Variants in NECTIN2 observed in about 807,000 individuals in gnomAD.
The protein encoded by NECTIN2 is nectin cell adhesion molecule 2.
NECTIN2 carries 23 observed loss-of-function variants against 56.9 expected under a neutral mutation model. The observed-to-expected ratio is 0.40, with a 90% CI of 0.29 to 0.57. NECTIN2 has a LOEUF of 0.57. Among genes scored for constraint, NECTIN2 ranks in the 20% least tolerant of loss-of-function variants. NECTIN2 has a pLI of 0.38. For synonymous variants in NECTIN2, 302 were observed against 313.8 expected (o/e 0.96, Z 0.40); for missense variants, 587 against 718.3 (o/e 0.82, Z 2.09).
Position 44,888,404 on chromosome 19 carries a change from A to G in NECTIN2, c.*25A>G. 4 of 1,599,956 alleles carry G rather than the reference A, an allele frequency of 2.5e-6. No individual in the cohort carries two copies. The highest frequency in any genetic ancestry group is 3.4e-6 in the Non-Finnish European group (4 of 1,169,498). On this transcript the variant is annotated 3_prime_UTR_variant, in exon 9 of 9. Coordinates refer to ENST00000252483, the MANE Select transcript of NECTIN2 (RefSeq NM_001042724.2). The stretch of plus-strand genomic sequence containing the variant: ...AGCTGCCATGCGCCTGGCGTCTCAC[A>G]TCTCACCTGTTGATCCCTTAGCTTT...
At chr19:44,859,315 G>A (rs999721788) in intron 1 of NECTIN2, among the ~76,000 whole-genome samples, 2 of 152,142 alleles carry the variant, frequency 1.3e-5, no homozygotes, top group African/African-American at 4.8e-5. Flanking sequence ...GTGTTCCACA[G>A]CTATTCTTTA....
chr19:44,847,615 C>T (rs1968851065), intron 1 of NECTIN2, among the ~76,000 whole-genome samples: 1 of 152,140 alleles, frequency 6.6e-6, no homozygotes, highest in South Asian at 2.1e-4. Context: ...CGGGAGGCCC[C>T]GAGTCCCAGA....
chr19:44,883,336 G>A (rs1379685017), intron 6 of NECTIN2, among the ~76,000 whole-genome samples: 1 of 152,014 alleles, frequency 6.6e-6, no homozygotes, highest in Non-Finnish European at 1.5e-5. Flanking sequence ...GTGCCAAGGC[G>A]CCATCTCGGC....
chr19:44,884,146 T>G (rs1969335903), intron 6 of NECTIN2, among the ~76,000 whole-genome samples: 1 of 151,892 alleles, frequency 6.6e-6, no homozygotes, highest in Non-Finnish European at 1.5e-5. Context: ...CAGAGCAGTC[T>G]GAGGTATGCG....
intron 6 of NECTIN2, among the ~76,000 whole-genome samples, chr19:44,883,421 C>T (rs989081434): frequency 3.9e-5 from 6 of 152,222 alleles, no homozygotes; most frequent in East Asian, 3.9e-4. Flanking sequence ...ATTACAGATG[C>T]GCGCCACCAC....
chr19:44,867,822 G>A (rs1437293855), intron 2 of NECTIN2, among the ~76,000 whole-genome samples: 1 of 152,156 alleles, frequency 6.6e-6, no homozygotes, highest in East Asian at 1.9e-4. Flanking sequence ...GCCATGGGAG[G>A]TGTCAAGCCA....
chr19:44,857,327 G>C (rs564524484), intron 1 of NECTIN2, among the ~76,000 whole-genome samples: 1 of 146,570 alleles, frequency 6.8e-6, no homozygotes, highest in East Asian at 2.0e-4. Flanking sequence ...TCAGTTTCTC[G>C]GGCTCCTGGC....
chr19:44,888,387 T>G lies in NECTIN2; in HGVS notation c.*8T>G. 6.2e-7 allele frequency: 1 copy of G among 1,605,942 alleles called. No individual in the cohort carries two copies. Among genetic ancestry groups the G allele is most frequent in the Non-Finnish European group, 8.5e-7 (1 of 1,173,352 alleles). ...CGGGCCATGTATGTGTGAGCTGCCA[T>G]GCGCCTGGCGTCTCACATCTCACCT... On this transcript the variant is annotated 3_prime_UTR_variant, in exon 9 of 9. Coordinates refer to ENST00000252483, the MANE Select transcript of NECTIN2 (RefSeq NM_001042724.2).
intron 2 of NECTIN2, among the ~76,000 whole-genome samples, chr19:44,867,857 G>C (rs1186528968): frequency 6.6e-6 from 1 of 152,110 alleles, no homozygotes; most frequent in East Asian, 1.9e-4. Flanking sequence ...ACAAACGTTT[G>C]AGGTTGCAAA....
chr19:44,869,621 A>G (rs12971559), intron 2 of NECTIN2, among the ~76,000 whole-genome samples: 2 of 150,960 alleles, frequency 1.3e-5, no homozygotes, highest in South Asian at 2.1e-4. Flanking sequence ...AAAAGAAAAT[A>G]TGATTAAGTG....
intron 1 of NECTIN2, among the ~76,000 whole-genome samples, chr19:44,849,880 G>T (rs1384174377): frequency 6.6e-6 from 1 of 152,196 alleles, no homozygotes; most frequent in Non-Finnish European, 1.5e-5. Context: ...AATTGCTCGG[G>T]TGATGGATGG....
chr19:44,869,467 C>T (rs1177826084), intron 2 of NECTIN2, among the ~76,000 whole-genome samples: 4 of 151,642 alleles, frequency 2.6e-5, no homozygotes, highest in Non-Finnish European at 5.9e-5. Context: ...GTGGCGGGTG[C>T]CTGTAGTCCC....
chr19:44,870,392 G>A (rs1419823602), intron 2 of NECTIN2, among the ~76,000 whole-genome samples: 1 of 152,110 alleles, frequency 6.6e-6, no homozygotes, highest in Non-Finnish European at 1.5e-5. Context: ...GGGAAGAAGA[G>A]GAGAGTCAGA....
intron 1 of NECTIN2, 123 bp downstream of exon 1, chr19:44,846,736 C>T (rs1402443417): frequency 8.4e-7 from 1 of 1,184,768 alleles, no homozygotes; most frequent in Admixed American, 2.7e-5. Context: ...TCGCGTGCCC[C>T]CTTCCTGGCT....
At position 44,888,080 on chromosome 19, in the gene NECTIN2, C is replaced by G. The variant is rs758211051; in HGVS notation, c.1348-30C>G. On this transcript the variant is annotated intron_variant, in intron 8 of 8. Transcript: ENST00000252483. ...ATCTGTGTCGTGCGTAGGAAGTGATCTTGAGTTCCTGTCCTCTCTCTACCT... is the reference window on the plus strand; with the variant it reads ...ATCTGTGTCGTGCGTAGGAAGTGATGTTGAGTTCCTGTCCTCTCTCTACCT... The G allele has an allele frequency of 5.6e-6, 9 of 1,598,864 alleles. No individual in the cohort carries two copies. In the East Asian group the frequency reaches 2.0e-4, roughly 36 times the overall value.
At chr19:44,870,856 A>T (rs183533325) in intron 2 of NECTIN2, among the ~76,000 whole-genome samples, 9 of 151,604 alleles carry the variant, frequency 5.9e-5, no homozygotes, top group Admixed American at 5.9e-4. Flanking sequence ...CAGCCTCCCG[A>T]GTACCTGGGA....
At position 44,871,265 on chromosome 19, in the gene NECTIN2, G is replaced by A. The variant is rs1012927604; in HGVS notation, c.479-588G>A. Among the ~76,000 whole-genome samples, 5 of 152,160 alleles carry A rather than the reference G, an allele frequency of 3.3e-5. No individual in the cohort carries two copies. The South Asian group carries it at 8.3e-4, about 25-fold the overall frequency. ...GTATACCGAAATGGCCAGGCCAGGC[G>A]CCTGTAACCTCAGAGCTTTGGGGAG... On this transcript the variant is annotated intron_variant, in intron 2 of 8. Coordinates refer to ENST00000252483, the MANE Select transcript of NECTIN2 (RefSeq NM_001042724.2).
rs187706273 is a variant in NECTIN2, at chr19:44,882,231, G to A, written c.1063G>A (p.Ala355Thr). ...FVRETPNTAG[A>T]GATGGIIGGI... ...TGCAGAGACCCCCAACACAGCAGGCGCAGGGGCCACAGGCGGCATCATCGG... is the reference window on the plus strand; with the variant it reads ...TGCAGAGACCCCCAACACAGCAGGCACAGGGGCCACAGGCGGCATCATCGG... The change falls in exon 6 of 9, where the codon GCA becomes ACA. Residue 355 changes from alanine to threonine, a missense_variant. Transcript: ENST00000252483. 7,862 of 1,515,896 alleles carry A rather than the reference G, an allele frequency of 5.2e-3. 30 individuals carry two copies. Among genetic ancestry groups the A allele is most frequent in the Non-Finnish European group, 6.3e-3 (7,128 of 1,126,920 alleles). The allele number at this position is 1,515,896 out of a possible 1,614,324, so 93.9% of individuals were successfully genotyped here.
chr19:44,872,816 T>TA (rs1171825941), intron 3 of NECTIN2, among the ~76,000 whole-genome samples: 1,542 of 146,514 alleles, frequency 0.011, 28 homozygotes, highest in African/African-American at 0.037. Context: ...TATTATTATA[T>TA]TTTTATATAT....
Sources: gnomAD v4.1 joint callset for allele counts (sites outside exome capture counted in the v4.1 genomes callset) on GRCh38, gnomAD v4.1.1 for gene constraint, MANE v1.5 for transcripts, NCBI Gene and HGNC (gene_info 2026-07-23, HGNC 2026-07-21) for gene names.